The following CELF2 variants were observed in gnomAD, a reference collection of about 807,000 sequenced individuals.
The protein encoded by CELF2 is CUG triplet repeat RNA-binding protein 2.
CELF2 carries 8 observed loss-of-function variants against 62.6 expected under a neutral mutation model. That is an observed-to-expected ratio of 0.13 (90% CI 0.07 to 0.23). CELF2 has a LOEUF of 0.23. CELF2 is among the 10% of genes least tolerant of loss of function. The pLI is 1.00. For missense variants in CELF2, 333 were observed against 671.0 expected (o/e 0.50, Z 5.56); for synonymous variants, 258 against 250.0 (o/e 1.03, Z -0.30).
chr10:11,273,592 G>T (rs1258024084), intron 7 of CELF2, among the ~76,000 whole-genome samples: 5 of 152,110 alleles, frequency 3.3e-5, no homozygotes, highest in African/African-American at 4.8e-5. Flanking sequence ...CCTCAATTGA[G>T]ATCCATTTTC....
At chr10:10,787,946 A>G in the CELF2 span, among the ~76,000 whole-genome samples, 8 of 152,168 alleles carry the variant, frequency 5.3e-5, no homozygotes, top group Admixed American at 5.2e-4. Flanking sequence ...AATATTTTCT[A>G]TAATAAAAGA....
the CELF2 span, among the ~76,000 whole-genome samples, chr10:10,469,663 G>T: frequency 6.6e-6 from 1 of 151,758 alleles, no homozygotes; most frequent in African/African-American, 2.4e-5. Context: ...TCATAAAATT[G>T]GTTGGGAAGT....
chr10:10,493,530 TG>T, the CELF2 span, among the ~76,000 whole-genome samples: 90,300 of 145,212 alleles, frequency 0.62, 28,046 homozygotes, highest in Middle Eastern at 0.69. Flanking sequence ...GTTTTTTTTT[TG>T]TTTGTTTCTT....
the CELF2 span, among the ~76,000 whole-genome samples, chr10:10,710,120 C>A: frequency 2.0e-5 from 3 of 152,192 alleles, no homozygotes; most frequent in African/African-American, 7.2e-5. Context: ...GCCCTGACTG[C>A]CACTTTGCAA....
intron 2 of CELF2, among the ~76,000 whole-genome samples, chr10:10,921,978 T>C (rs984582549): frequency 2.6e-5 from 4 of 152,020 alleles, no homozygotes; most frequent in African/African-American, 9.7e-5. Flanking sequence ...AGAAGCAGAG[T>C]GAGCCCAATG....
At chr10:10,723,746 G>A in the CELF2 span, among the ~76,000 whole-genome samples, 7 of 152,166 alleles carry the variant, frequency 4.6e-5, no homozygotes, top group Non-Finnish European at 1.0e-4. Context: ...GATTTTAGAG[G>A]AGGTGAAAAT....
intron 8 of CELF2, among the ~76,000 whole-genome samples, chr10:11,277,544 A>C (rs2086620910): frequency 6.6e-6 from 1 of 152,216 alleles, no homozygotes; most frequent in African/African-American, 2.4e-5. Context: ...AGTATCCTCG[A>C]GTGGATGAGT....
intron 2 of CELF2, among the ~76,000 whole-genome samples, chr10:11,192,285 G>A (rs1356197716): frequency 6.6e-6 from 1 of 152,270 alleles, no homozygotes; most frequent in Non-Finnish European, 1.5e-5. Context: ...CTGGAGGGAG[G>A]CAGTGCTGTG....
intron 1 of CELF2, among the ~76,000 whole-genome samples, chr10:11,162,607 TG>T (rs5783192): frequency 6.3e-4 from 88 of 140,472 alleles, no homozygotes; most frequent in African/African-American, 1.8e-3. Flanking sequence ...TAAACTGGGG[TG>T]GGGGGGGTGA....
At chr10:10,580,549 C>G in the CELF2 span, among the ~76,000 whole-genome samples, 6 of 152,178 alleles carry the variant, frequency 3.9e-5, no homozygotes, top group Admixed American at 2.0e-4. Flanking sequence ...AACTGTGTGA[C>G]CTTCGGCAAG....
intron 1 of CELF2, among the ~76,000 whole-genome samples, chr10:10,894,404 A>G (rs963832517): frequency 6.6e-6 from 1 of 152,228 alleles, no homozygotes; most frequent in African/African-American, 2.4e-5. Context: ...TTGATATTGT[A>G]AGTAGCCTGA....
At chr10:10,575,996 T>G in the CELF2 span, among the ~76,000 whole-genome samples, 1 of 152,200 alleles carries the variant, frequency 6.6e-6, no homozygotes, top group Non-Finnish European at 1.5e-5. Context: ...AAAGTAGACA[T>G]TTTAGCAGTC....
rs1352074727 is a variant in CELF2 at position 11,296,669 on chromosome 10, C to T, written c.976+8117C>T. ...CGTCACCATCAACTAGATGCATTGG[C>T]CACCTACAAACACAAGCAAAATGTA... On this transcript the variant is annotated intron_variant, in intron 9 of 12. Transcript: ENST00000633077. This position sits in a 1 kb window ranked among gnomAD's most constrained non-coding sequence, Gnocchi z 5.0. Among the ~76,000 whole-genome samples, 1 of 152,102 alleles carries T rather than the reference C, an allele frequency of 6.6e-6. No homozygotes were observed. The highest frequency in any genetic ancestry group is 2.4e-5 in the African/African-American group (1 of 41,416).
At chr10:10,913,895 G>GGAAGGAAGGAAGAAGGA (rs1564811456) in intron 1 of CELF2, among the ~76,000 whole-genome samples, 3 of 36,078 alleles carry the variant, frequency 8.3e-5, no homozygotes, top group Admixed American at 2.6e-4. Context: ...AGAAGGAAGG[G>GGAAGGAAGGAAGAAGGA]AGGGAGGGAG....
intron 1 of CELF2, among the ~76,000 whole-genome samples, chr10:11,027,313 C>T (rs907520203): frequency 4.6e-5 from 7 of 152,170 alleles, no homozygotes; most frequent in African/African-American, 9.7e-5. Context: ...TTTTCTTTTA[C>T]GCTCTGATGT....
At chr10:10,758,719 GC>G in the CELF2 span, among the ~76,000 whole-genome samples, 1 of 152,218 alleles carries the variant, frequency 6.6e-6, no homozygotes, top group Non-Finnish European at 1.5e-5. Context: ...ATATTACATG[GC>G]TATAAACAAA....
chr10:10,626,723 A>T, the CELF2 span, among the ~76,000 whole-genome samples: 1 of 152,172 alleles, frequency 6.6e-6, no homozygotes, highest in Non-Finnish European at 1.5e-5. Flanking sequence ...TATTTGGTGT[A>T]CTTCATTGAC....
At chr10:10,818,448 C>T (rs2056675473) in intron 1 of CELF2, among the ~76,000 whole-genome samples, 1 of 152,118 alleles carries the variant, frequency 6.6e-6, no homozygotes, top group East Asian at 1.9e-4. Context: ...AGTTGTATGA[C>T]CTTACTTACA....
At chr10:10,777,486 T>A in the CELF2 span, among the ~76,000 whole-genome samples, 5 of 152,114 alleles carry the variant, frequency 3.3e-5, no homozygotes, top group African/African-American at 1.2e-4. Flanking sequence ...ATCCTCAACA[T>A]CCCATCAGCC....
Sources: gnomAD v4.1 joint callset for allele counts (sites outside exome capture counted in the v4.1 genomes callset) on GRCh38, gnomAD v4.1.1 for gene constraint, Gnocchi (gnomAD v3.1) non-coding constraint, MANE v1.5 for transcripts, NCBI Gene and HGNC (gene_info 2026-07-23, HGNC 2026-07-21) for gene names.